Variants in INPP4B observed in about 807,000 individuals in gnomAD.
The protein encoded by INPP4B is inositol polyphosphate 4-phosphatase type II.
In INPP4B, 55 loss-of-function variants were observed where a neutral mutation model predicts 122.5. That is an observed-to-expected ratio of 0.45 (90% CI 0.36 to 0.56). The LOEUF is 0.56. Ranked by LOEUF, INPP4B falls within the 20% of genes least tolerant of loss-of-function variation. The pLI is 0.00. For missense variants in INPP4B, 1,000 were observed against 1,097.7 expected (o/e 0.91, Z 1.26); for synonymous variants, 403 against 388.7 (o/e 1.04, Z -0.43).
Position 142,713,629 on chromosome 4 carries a change from T to C in INPP4B, c.-191+12210A>G, listed in dbSNP as rs544267751. ...TTTTCTTGAACTAATAATCTCCCAT[T>C]TGATGCCTTCCAAAATCAACCTTTC... is the stretch of plus-strand genomic sequence containing the variant. On this transcript the variant is annotated intron_variant, in intron 2 of 25. Transcript: ENST00000262992. 3.9e-4 allele frequency among the ~76,000 whole-genome samples: 59 copies of C among 152,312 alleles called. 1 individual carries two copies. The South Asian group carries it at 0.012, about 30-fold the overall frequency.
intron 16 of INPP4B, among the ~76,000 whole-genome samples, chr4:142,165,766 G>A (rs113691338): frequency 2.1e-4 from 32 of 151,710 alleles, no homozygotes; most frequent in African/African-American, 6.0e-4. Flanking sequence ...CAAATTATAC[G>A]GTGTTTTTCA....
In INPP4B at chr4:142,720,489, C is replaced by T. The variant is rs138407711; in HGVS notation, c.-191+5350G>A. 8.5e-3 allele frequency among the ~76,000 whole-genome samples: 1,288 copies of T among 151,864 alleles called. 13 individuals carry two copies. The highest frequency in any genetic ancestry group is 0.028 in the African/African-American group (1,173 of 41,406). ...GGATGTTCAAGTCCCTTATATAAAA[C>T]GGCATAGTCTTTGCACATAACCTAT... On this transcript the variant is annotated intron_variant, in intron 2 of 25. Transcript: ENST00000262992.
chr4:142,506,223 A>G (rs79085487), intron 2 of INPP4B, among the ~76,000 whole-genome samples: 1,762 of 152,242 alleles, frequency 0.012, 33 homozygotes, highest in African/African-American at 0.04. Context: ...TTCCATTGCC[A>G]TAAGAGTCTT....
intron 2 of INPP4B, among the ~76,000 whole-genome samples, chr4:142,537,413 TATATATATATATATATAGAG>T (rs1560771803): frequency 4.5e-5 from 2 of 44,602 alleles, no homozygotes; most frequent in Non-Finnish European, 9.6e-5. Context: ...TATATATATA[TATATATATATATATATAGAG>T]AGAGAGAGAG....
chr4:142,206,090 G>T (rs572570667), intron 14 of INPP4B, among the ~76,000 whole-genome samples: 1 of 152,246 alleles, frequency 6.6e-6, no homozygotes, highest in South Asian at 2.1e-4. Flanking sequence ...TTACATGGTA[G>T]AAGGTGGAAA....
At chr4:142,128,055 A>G (rs1021931902) in intron 18 of INPP4B, among the ~76,000 whole-genome samples, 1 of 151,300 alleles carries the variant, frequency 6.6e-6, no homozygotes, top group East Asian at 1.9e-4. Flanking sequence ...GGGGAAAATT[A>G]AAAAAAACCC....
chr4:142,351,820 AT>A (rs1782017598), intron 7 of INPP4B, among the ~76,000 whole-genome samples: 1 of 152,030 alleles, frequency 6.6e-6, no homozygotes, highest in Non-Finnish European at 1.5e-5. Context: ...GTTAAAATGT[AT>A]TGTTATTCTT....
chr4:142,085,816 G>C (rs1176662091), intron 24 of INPP4B, among the ~76,000 whole-genome samples: 1 of 152,204 alleles, frequency 6.6e-6, no homozygotes, highest in Non-Finnish European at 1.5e-5. Flanking sequence ...TAAAGCAGCA[G>C]TTCAAAATCC....
At chr4:142,307,572 A>G (rs1763903530) in intron 8 of INPP4B, among the ~76,000 whole-genome samples, 1 of 152,218 alleles carries the variant, frequency 6.6e-6, no homozygotes, top group African/African-American at 2.4e-5. Flanking sequence ...GAGAAAAGCT[A>G]CCTTTGCAGC....
At chr4:142,799,383 T>G (rs1048568809) in intron 1 of INPP4B, among the ~76,000 whole-genome samples, 1 of 151,894 alleles carries the variant, frequency 6.6e-6, no homozygotes, top group Admixed American at 6.6e-5. Context: ...ACACTACAAA[T>G]GATCATAATC....
At chr4:142,603,739 GA>G (rs1204885175) in intron 2 of INPP4B, among the ~76,000 whole-genome samples, 1 of 152,026 alleles carries the variant, frequency 6.6e-6, no homozygotes, top group Non-Finnish European at 1.5e-5. Flanking sequence ...TCCAAAGAAA[GA>G]GAAGCCCAAG....
chr4:142,658,606 A>G (rs563852713), intron 2 of INPP4B, among the ~76,000 whole-genome samples: 9 of 152,370 alleles, frequency 5.9e-5, no homozygotes, highest in Non-Finnish European at 8.8e-5. Flanking sequence ...TTACGGCATT[A>G]CAGTTGTTTG....
chr4:142,545,069 G>A (rs1271987134), intron 2 of INPP4B, among the ~76,000 whole-genome samples: 2 of 152,068 alleles, frequency 1.3e-5, no homozygotes, highest in African/African-American at 4.8e-5. Context: ...CTGATTACAT[G>A]TGTGTAAGAA....
chr4:142,395,594 G>T (rs1799109321), intron 7 of INPP4B, among the ~76,000 whole-genome samples: 1 of 152,158 alleles, frequency 6.6e-6, no homozygotes, highest in South Asian at 2.1e-4. Context: ...ATTTCTAAGA[G>T]ATATTAGCAC....
At chr4:142,495,411 TA>T (rs1334617663) in intron 2 of INPP4B, among the ~76,000 whole-genome samples, 2 of 152,038 alleles carry the variant, frequency 1.3e-5, no homozygotes, top group African/African-American at 4.8e-5. Flanking sequence ...TAGATAAATA[TA>T]TATCCAAACT....
At chr4:142,416,599 G>A (rs1805824879) in intron 5 of INPP4B, among the ~76,000 whole-genome samples, 3 of 152,112 alleles carry the variant, frequency 2.0e-5, no homozygotes, top group Non-Finnish European at 2.9e-5. Flanking sequence ...TAGGAAGTAA[G>A]AGGAATAGGG....
intron 12 of INPP4B, among the ~76,000 whole-genome samples, chr4:142,214,800 G>A (rs1400669312): frequency 6.6e-6 from 1 of 152,174 alleles, no homozygotes; most frequent in Admixed American, 6.5e-5. Context: ...TGATCCACCC[G>A]TCTCAGCCTC....
chr4:142,117,443 A>T (rs1482064305), intron 21 of INPP4B, among the ~76,000 whole-genome samples: 1 of 152,206 alleles, frequency 6.6e-6, no homozygotes, highest in Non-Finnish European at 1.5e-5. Context: ...ATCCAGCAGC[A>T]CATCAATAAG....
intron 7 of INPP4B, chr4:142,384,225 A>C: frequency 1.5e-6 from 1 of 666,458 alleles, no homozygotes; most frequent in East Asian, 2.7e-5. Flanking sequence ...CTTAGAAAAA[A>C]CAGGTATTAA....
Sources: gnomAD v4.1 joint callset for allele counts (sites outside exome capture counted in the v4.1 genomes callset) on GRCh38, gnomAD v4.1.1 for gene constraint, MANE v1.5 for transcripts, NCBI Gene and HGNC (gene_info 2026-07-23, HGNC 2026-07-21) for gene names.